The following CDHR3 variants were observed in gnomAD, a reference collection of about 807,000 sequenced individuals.
CDHR3 encodes the protein cadherin related family member 3, also known as cadherin-related family member 3.
In CDHR3, 79 loss-of-function variants were observed where a neutral mutation model predicts 86.6. The observed-to-expected ratio is 0.91, with a 90% CI of 0.76 to 1.10. CDHR3 has a LOEUF of 1.10. Among genes scored for constraint, CDHR3 ranks in the 50% least tolerant of loss-of-function variants. The pLI is 0.00. For synonymous variants in CDHR3, 421 were observed against 402.4 expected (o/e 1.05, Z -0.55); for missense variants, 1,081 against 1,077.6 (o/e 1.00, Z -0.04).
At chr7:105,991,745 G>A (rs1831389029) in intron 4 of CDHR3, among the ~76,000 whole-genome samples, 3 of 152,180 alleles carry the variant, frequency 2.0e-5, no homozygotes, top group Admixed American at 2.0e-4. Context: ...TATTTATTGA[G>A]CATCTATTAT....
chr7:105,985,577 T>A (rs1446635666), intron 4 of CDHR3, among the ~76,000 whole-genome samples: 1 of 152,156 alleles, frequency 6.6e-6, no homozygotes, highest in Non-Finnish European at 1.5e-5. Context: ...CTACAGACTC[T>A]GAAACAAAGC....
chr7:105,984,001 T>G (rs1830167521), intron 3 of CDHR3, among the ~76,000 whole-genome samples, 191 bp from the exon 4 acceptor site: 1 of 152,200 alleles, frequency 6.6e-6, no homozygotes, highest in South Asian at 2.1e-4. Context: ...TAGCACTTTA[T>G]GAATTACCCT....
At chr7:106,001,968 C>G (rs1172384633) in intron 7 of CDHR3, among the ~76,000 whole-genome samples, 1 of 152,194 alleles carries the variant, frequency 6.6e-6, no homozygotes, top group Non-Finnish European at 1.5e-5. Flanking sequence ...TTGGTTGAAT[C>G]TGAGGATGCA....
At chr7:105,983,290 A>C (rs1830042665) in intron 3 of CDHR3, among the ~76,000 whole-genome samples, 1 of 152,182 alleles carries the variant, frequency 6.6e-6, no homozygotes, top group African/African-American at 2.4e-5. Context: ...GAGTGATAAA[A>C]AGTGAATGAA....
chr7:105,967,333 A>G (rs552693853), intron 1 of CDHR3, among the ~76,000 whole-genome samples: 2 of 152,166 alleles, frequency 1.3e-5, no homozygotes, highest in Admixed American at 1.3e-4. Context: ...TATGTGCCAC[A>G]TTTTCTTAAT....
At chr7:106,020,282 A>T in intron 12 of CDHR3, 91 bp from the exon 13 acceptor site, 1 of 1,100,990 alleles carries the variant, frequency 9.1e-7, no homozygotes, top group Non-Finnish European at 1.3e-6. Flanking sequence ...GAGCTAATTT[A>T]TGAAAAGTGC....
intron 3 of CDHR3, among the ~76,000 whole-genome samples, chr7:105,982,149 G>A (rs193793): frequency 0.32 from 48,640 of 151,814 alleles, 8,278 homozygotes; most frequent in East Asian, 0.43. Context: ...AGAAATTCCC[G>A]TCTCACTCAA....
At chr7:105,977,229 C>A (rs774416418) in intron 2 of CDHR3, among the ~76,000 whole-genome samples, 6 of 152,136 alleles carry the variant, frequency 3.9e-5, no homozygotes, top group Non-Finnish European at 8.8e-5. Context: ...ATCACATAGC[C>A]GTAAAAGGTG....
chr7:106,027,396 C>CAAA, intron 16 of CDHR3, among the ~76,000 whole-genome samples: 1 of 140,862 alleles, frequency 7.1e-6, no homozygotes, highest in Non-Finnish European at 1.6e-5. Context: ...GACTCTGTCT[C>CAAA]AAAAAAAAAA....
chr7:106,032,499 C>T lies in CDHR3; in HGVS notation c.2460C>T (p.Ala820=). The T allele has an allele frequency of 2.5e-6, 4 of 1,613,938 alleles. No individual in the cohort carries two copies. The highest frequency in any genetic ancestry group is 3.4e-6 in the Non-Finnish European group (4 of 1,179,878). ...KWKESSHQGA[A]PRRVTAGEGM... is the part of the protein sequence containing the mutation. ...AAGAGTCCAGCCACCAGGGAGCTGC[C>T]CCACGCAGAGTCACTGCTGGGGAAG... The change falls in exon 19 of 19, where the codon GCC becomes GCT. Residue 820 remains alanine (A), a synonymous_variant. Coordinates refer to ENST00000317716, the MANE Select transcript of CDHR3 (RefSeq NM_152750.5).
intron 4 of CDHR3, among the ~76,000 whole-genome samples, chr7:105,991,678 T>C (rs1356693785): frequency 3.9e-5 from 6 of 152,200 alleles, no homozygotes; most frequent in Non-Finnish European, 4.4e-5. Context: ...GGAATGTTGG[T>C]CTTACTAAGA....
chr7:106,005,636 T>A (rs976294366), intron 8 of CDHR3, among the ~76,000 whole-genome samples: 2 of 152,188 alleles, frequency 1.3e-5, no homozygotes, highest in African/African-American at 4.8e-5. Flanking sequence ...AGTGGTTTTG[T>A]AAGTTTTCTC....
chr7:105,981,159 C>A (rs761510752), intron 3 of CDHR3, 26 bp downstream of exon 3: 99 of 1,601,472 alleles, frequency 6.2e-5, no homozygotes, highest in Non-Finnish European at 8.1e-5. Context: ...ATGTGCACTG[C>A]AGCCCAGACA....
intron 14 of CDHR3, 83 bp downstream of exon 14, chr7:106,022,531 T>C (rs1836731445): frequency 3.2e-6 from 5 of 1,545,562 alleles, no homozygotes; most frequent in Non-Finnish European, 4.4e-6. Context: ...CCTGGAGGTA[T>C]GTGGGGTGGA....
At chr7:105,968,874 G>A (rs1294232614) in intron 1 of CDHR3, among the ~76,000 whole-genome samples, 2 of 151,960 alleles carry the variant, frequency 1.3e-5, no homozygotes, top group African/African-American at 4.8e-5. Flanking sequence ...AGATCATGAG[G>A]TCAGGAAATT....
At chr7:106,028,916 T>TTCTCTTTCTTTCTTTCTCTTTC (rs1491327817) in intron 17 of CDHR3, among the ~76,000 whole-genome samples, 3 of 82,998 alleles carry the variant, frequency 3.6e-5, no homozygotes, top group African/African-American at 1.3e-4. Context: ...GAGATTTAAA[T>TTCTCTTTCTTTCTTTCTCTTTC]TTTCTTTCTT....
At position 106,033,930 on chromosome 7, in the gene CDHR3, A is replaced by G. The variant is rs898777827; in HGVS notation, c.*1233A>G. 1.3e-5 allele frequency among the ~76,000 whole-genome samples: 2 copies of G among 152,172 alleles called. No individual in the cohort carries two copies. The highest frequency in any genetic ancestry group is 4.8e-5 in the African/African-American group (2 of 41,432). On this transcript the variant is annotated 3_prime_UTR_variant, in exon 19 of 19. Coordinates refer to ENST00000317716, the MANE Select transcript of CDHR3 (RefSeq NM_152750.5). Reference sequence around the variant, plus strand: ...CCAGCAGCAAACACTGAGAGTTGCAATTGCTCTCTATCCTTGCCAACACTT... The same window carrying G: ...CCAGCAGCAAACACTGAGAGTTGCAGTTGCTCTCTATCCTTGCCAACACTT...
chr7:106,002,140 T>C (rs556046455), intron 7 of CDHR3, among the ~76,000 whole-genome samples: 1 of 152,322 alleles, frequency 6.6e-6, no homozygotes, highest in African/African-American at 2.4e-5. Flanking sequence ...TATGTCACCC[T>C]TCACCTTTGT....
At chr7:105,966,655 G>A (rs896028474) in intron 1 of CDHR3, among the ~76,000 whole-genome samples, 23 of 152,074 alleles carry the variant, frequency 1.5e-4, no homozygotes, top group Admixed American at 1.3e-3. Context: ...TACTTTTTCC[G>A]TCATGTCACT....
Sources: allele counts gnomAD v4.1 joint callset (sites outside exome capture counted in the v4.1 genomes callset), GRCh38; gene constraint gnomAD v4.1.1; transcripts MANE v1.5; gene names NCBI Gene and HGNC (gene_info 2026-07-23, HGNC 2026-07-21).